HPSE2: variants seen among roughly 807,000 people sequenced by gnomAD.
The protein encoded by HPSE2 is inactive heparanase-2.
Under a neutral mutation model 60.5 loss-of-function variants are expected in HPSE2, and 38 were observed. The ratio of observed to expected loss-of-function variants is 0.63; its 90% confidence interval spans 0.48 to 0.82. HPSE2 has a LOEUF of 0.82. HPSE2 is among the 40% of genes least tolerant of loss of function. The pLI, the probability that HPSE2 is intolerant of heterozygous loss-of-function variation, is 0.00. For synonymous variants in HPSE2, 295 were observed against 293.2 expected (o/e 1.01, Z -0.06); for missense variants, 713 against 740.4 (o/e 0.96, Z 0.43).
At chr10:99,305,979 G>GCGCGCGCGCGCGCGCACACACACACA in the HPSE2 span, among the ~76,000 whole-genome samples, 3 of 80,580 alleles carry the variant, frequency 3.7e-5, no homozygotes, top group Non-Finnish European at 7.1e-5. Flanking sequence ...GCGCGCGCGC[G>GCGCGCGCGCGCGCGCACACACACACA]CACACACACA....
chr10:98,460,272 G>A (rs931380241), intron 11 of HPSE2, among the ~76,000 whole-genome samples: 2 of 152,162 alleles, frequency 1.3e-5, no homozygotes, highest in African/African-American at 4.8e-5. Context: ...TACCTTGCTT[G>A]TCTAAGGTTA....
intron 3 of HPSE2, among the ~76,000 whole-genome samples, chr10:98,989,182 A>C (rs1433543790): frequency 1.3e-5 from 2 of 152,194 alleles, no homozygotes; most frequent in African/African-American, 2.4e-5. Flanking sequence ...TGCTGCTATA[A>C]AGACACATGC....
chr10:98,462,000 G>T (rs1270355695), intron 11 of HPSE2, among the ~76,000 whole-genome samples: 1 of 152,170 alleles, frequency 6.6e-6, no homozygotes, highest in African/African-American at 2.4e-5. Context: ...GAGCCAAGTT[G>T]CTAACTAGCT....
At chr10:98,977,926 T>C (rs181502846) in intron 3 of HPSE2, among the ~76,000 whole-genome samples, 1 of 141,530 alleles carries the variant, frequency 7.1e-6, no homozygotes, top group Admixed American at 7.4e-5. Flanking sequence ...ATTTAAAATA[T>C]AGATCTCATA....
chr10:98,509,270 C>T (rs991904830), intron 9 of HPSE2, among the ~76,000 whole-genome samples: 10 of 151,822 alleles, frequency 6.6e-5, no homozygotes, highest in African/African-American at 2.2e-4. Flanking sequence ...GCCAAGATCG[C>T]GCCACTGCAC....
chr10:99,305,728 T>TTA, the HPSE2 span, among the ~76,000 whole-genome samples: 6 of 151,984 alleles, frequency 3.9e-5, no homozygotes, highest in East Asian at 3.9e-4. Context: ...TACCTATGAC[T>TTA]TATATATATG....
chr10:99,045,321 C>G (rs376800674), intron 3 of HPSE2, among the ~76,000 whole-genome samples: 1 of 151,954 alleles, frequency 6.6e-6, no homozygotes, highest in Non-Finnish European at 1.5e-5. Context: ...AAATTAGGAA[C>G]AAAACATGCC....
intron 2 of HPSE2, among the ~76,000 whole-genome samples, chr10:99,194,623 A>C (rs1423853531): frequency 6.6e-6 from 1 of 151,950 alleles, no homozygotes; most frequent in East Asian, 1.9e-4. Flanking sequence ...CTACCTGAGA[A>C]ACTACATGCC....
chr10:98,463,409 G>A (rs1423087345), intron 11 of HPSE2, among the ~76,000 whole-genome samples: 1 of 152,152 alleles, frequency 6.6e-6, no homozygotes, highest in Non-Finnish European at 1.5e-5. Context: ...ACACAAAGAT[G>A]ACGAATGAAA....
chr10:98,692,526 T>A (rs867999387), intron 6 of HPSE2, among the ~76,000 whole-genome samples: 1 of 151,964 alleles, frequency 6.6e-6, no homozygotes, highest in Admixed American at 6.6e-5. Context: ...CCCAGCACTT[T>A]GGGAGGCCGA....
At chr10:98,689,532 T>C (rs1367798060) in intron 6 of HPSE2, among the ~76,000 whole-genome samples, 1 of 152,240 alleles carries the variant, frequency 6.6e-6, no homozygotes, top group African/African-American at 2.4e-5. Context: ...ATATATAATA[T>C]GAGTTATAAT....
intron 3 of HPSE2, among the ~76,000 whole-genome samples, chr10:99,017,353 C>T (rs1453350288): frequency 6.6e-6 from 1 of 152,166 alleles, no homozygotes; most frequent in Non-Finnish European, 1.5e-5. Context: ...GTTGCACCAA[C>T]CTTGCATCCC....
At chr10:98,980,081 T>G (rs1589454903) in intron 3 of HPSE2, among the ~76,000 whole-genome samples, 6 of 152,190 alleles carry the variant, frequency 3.9e-5, no homozygotes, top group South Asian at 4.1e-4. Context: ...ATCAACCTAG[T>G]GTTCTACAAC....
intron 3 of HPSE2, among the ~76,000 whole-genome samples, chr10:98,825,441 C>T (rs1951520302): frequency 6.6e-6 from 1 of 152,160 alleles, no homozygotes; most frequent in Admixed American, 6.5e-5. Context: ...TCTTTCCTGT[C>T]ATTCAGATTT....
intron 6 of HPSE2, among the ~76,000 whole-genome samples, chr10:98,659,935 T>C (rs1223350062): frequency 6.6e-6 from 1 of 152,186 alleles, no homozygotes; most frequent in South Asian, 2.1e-4. Flanking sequence ...CTAGGAGACT[T>C]GGTATTGCTA....
intron 9 of HPSE2, among the ~76,000 whole-genome samples, chr10:98,492,290 C>G (rs1941674061): frequency 6.6e-6 from 1 of 152,072 alleles, no homozygotes; most frequent in Non-Finnish European, 1.5e-5. Context: ...ATCACGAGGT[C>G]AGGAGATCGA....
At chr10:99,019,855 G>A (rs1451117203) in intron 3 of HPSE2, among the ~76,000 whole-genome samples, 1 of 151,804 alleles carries the variant, frequency 6.6e-6, no homozygotes, top group East Asian at 1.9e-4. Flanking sequence ...GAGATTACGG[G>A]CATGCACCAC....
At chr10:98,767,540 A>C (rs1950147701) in intron 3 of HPSE2, among the ~76,000 whole-genome samples, 1 of 147,532 alleles carries the variant, frequency 6.8e-6, no homozygotes, top group South Asian at 2.1e-4. Context: ...TATATATTAT[A>C]CTGTATATAC....
At chr10:98,539,519 TCAAACAAACAAA>T (rs560536661) in intron 9 of HPSE2, among the ~76,000 whole-genome samples, 3 of 152,014 alleles carry the variant, frequency 2.0e-5, no homozygotes, top group South Asian at 2.1e-4. Flanking sequence ...AGACTCTGTC[TCAAACAAACAAA>T]CAAACAAACA....
Sources: gnomAD v4.1 joint callset for allele counts (sites outside exome capture counted in the v4.1 genomes callset) on GRCh38, gnomAD v4.1.1 for gene constraint, MANE v1.5 for transcripts, NCBI Gene and HGNC (gene_info 2026-07-23, HGNC 2026-07-21) for gene names.